CCDC152: variants seen among roughly 807,000 people sequenced by gnomAD.
The protein encoded by CCDC152 is coiled-coil domain-containing protein 152.
In CCDC152, 37 loss-of-function variants were observed where a neutral mutation model predicts 38.1. The ratio of observed to expected loss-of-function variants is 0.97; its 90% CI spans 0.75 to 1.28. The LOEUF is 1.28. CCDC152 is among the 50% of genes most tolerant of loss of function. The pLI, the probability that CCDC152 is intolerant of heterozygous loss-of-function variation, is 0.00. For synonymous variants in CCDC152, 83 were observed against 87.1 expected, an observed-to-expected ratio of 0.95 and a Z score of 0.26; for missense variants, 259 against 292.1, an observed-to-expected ratio of 0.89 and a Z score of 0.83.
intron 6 of CCDC152, among the ~76,000 whole-genome samples, chr5:42,795,248 T>C (rs1002565825): frequency 6.6e-6 from 1 of 152,168 alleles, no homozygotes; most frequent in Non-Finnish European, 1.5e-5. Flanking sequence ...GAAGCTGGCA[T>C]AGCTATACTA....
Position 42,800,791 on chromosome 5 carries a change from T to C in CCDC152, c.*1010T>C, listed in dbSNP as rs777031512. 6.2e-7 allele frequency: 1 copy of C among 1,614,252 alleles called. No individual in the cohort carries two copies. Among genetic ancestry groups the C allele is most frequent in the Non-Finnish European group, 8.5e-7 (1 of 1,180,026 alleles). Reference sequence around the variant, plus strand: ...CAACTGGCACTGGCTTCTGTGGGTATAAGCTGCTGACTTATTTGTCAGGCA... The same window carrying C: ...CAACTGGCACTGGCTTCTGTGGGTACAAGCTGCTGACTTATTTGTCAGGCA... On this transcript the variant is annotated 3_prime_UTR_variant, in exon 9 of 9. Transcript: ENST00000361970.
chr5:42,766,412 G>A (rs1385172022), intron 3 of CCDC152, among the ~76,000 whole-genome samples: 1 of 152,084 alleles, frequency 6.6e-6, no homozygotes, highest in Admixed American at 6.6e-5. Context: ...TCCCACTGCT[G>A]GGTATATACA....
intron 6 of CCDC152, among the ~76,000 whole-genome samples, chr5:42,788,787 C>T (rs1486711491): frequency 6.6e-6 from 1 of 152,030 alleles, no homozygotes; most frequent in Non-Finnish European, 1.5e-5. Context: ...ATAACTTTTG[C>T]CTTTATTGTT....
At chr5:42,764,001 AGTGAAAGTACAGAGAGTTTCC>A (rs909567242) in intron 3 of CCDC152, among the ~76,000 whole-genome samples, 6 of 152,224 alleles carry the variant, frequency 3.9e-5, no homozygotes, top group African/African-American at 1.2e-4. Flanking sequence ...AAAAAAATTG[AGTGAAAGTACAGAGAGTTTCC>A]GTATACTCTC....
chr5:42,770,841 C>T (rs1759687914), intron 4 of CCDC152, among the ~76,000 whole-genome samples: 3 of 152,046 alleles, frequency 2.0e-5, no homozygotes, highest in African/African-American at 4.8e-5. Flanking sequence ...CTTTGGTGTA[C>T]AAGATTCTCA....
chr5:42,799,598 G>C lies in CCDC152; in HGVS notation c.643-61G>C, dbSNP rs904776089. 4.5e-6 allele frequency: 6 copies of C among 1,322,068 alleles called. No homozygotes were observed. The Admixed American group carries it at 1.5e-4, about 33-fold the overall frequency. 81.9% of individuals were successfully genotyped at this position (1,322,068 alleles called of 1,614,324 possible). A position where few individuals can be genotyped will look rare whatever the true frequency, so the allele number is the denominator to read the frequency against. On this transcript the variant is annotated intron_variant, in intron 8 of 8. Transcript: ENST00000361970. Reference sequence around the variant, plus strand: ...CAGAAGTGCATTTCTTTGTTATTTTGTTGTTCCTTGTACTAAATTTTATTT... The same window carrying C: ...CAGAAGTGCATTTCTTTGTTATTTTCTTGTTCCTTGTACTAAATTTTATTT...
intron 6 of CCDC152, among the ~76,000 whole-genome samples, chr5:42,786,349 A>G (rs928023591): frequency 8.6e-5 from 13 of 152,010 alleles, no homozygotes; most frequent in Non-Finnish European, 4.4e-5. Flanking sequence ...TCCTGGTTCA[A>G]TCTCTGGAGG....
intron 3 of CCDC152, among the ~76,000 whole-genome samples, chr5:42,768,772 T>C (rs932114417): frequency 9.2e-5 from 14 of 152,200 alleles, no homozygotes; most frequent in East Asian, 7.7e-4. Flanking sequence ...TCCCTTTCCT[T>C]AGGATGTTCT....
chr5:42,760,745 C>A (rs182300244), intron 2 of CCDC152, among the ~76,000 whole-genome samples: 2 of 152,012 alleles, frequency 1.3e-5, no homozygotes, highest in African/African-American at 4.8e-5. Flanking sequence ...TATGATCATG[C>A]GTATTTTGAA....
Position 42,799,723 on chromosome 5 carries a change from A to T in CCDC152, c.707A>T (p.Asp236Val). Residue 236 changes from aspartate (D) to valine (V), a missense_variant, in exon 9 of 9, where the codon GAT becomes GTT. Coordinates refer to ENST00000361970, the MANE Select transcript of CCDC152 (RefSeq NM_001134848.2). ...GCAATTCTTCGTAATACCATTCGCG[A>T]TTTAGAGCAACGCCTTTCTGTTGGC... ...EIAILRNTIR[D>V]LEQRLSVGKD... The T allele has an allele frequency of 1.3e-6, 2 of 1,551,354 alleles. No individual in the cohort carries two copies. Among genetic ancestry groups the T allele is most frequent in the Non-Finnish European group, 1.7e-6 (2 of 1,146,802 alleles).
intron 4 of CCDC152, among the ~76,000 whole-genome samples, chr5:42,778,701 C>G (rs564420573): frequency 6.6e-5 from 10 of 152,144 alleles, no homozygotes; most frequent in African/African-American, 2.2e-4. Flanking sequence ...TCCATACTGC[C>G]GCTGACGTAA....
At chr5:42,777,480 G>A (rs6451644) in intron 4 of CCDC152, among the ~76,000 whole-genome samples, 128,241 of 148,992 alleles carry the variant, frequency 0.86, 55,365 homozygotes, top group East Asian at 0.99. Flanking sequence ...AAAAAAAAAA[G>A]AAGAAGAAGA....
At chr5:42,798,205 GTACTTTGACAAAATA>G (rs973679318) in intron 7 of CCDC152, among the ~76,000 whole-genome samples, 12 of 152,128 alleles carry the variant, frequency 7.9e-5, no homozygotes, top group Non-Finnish European at 1.6e-4. Flanking sequence ...AATCTCAAAT[GTACTTTGACAAAATA>G]TTTGTCCTTT....
At chr5:42,766,676 A>G (rs1166178849) in intron 3 of CCDC152, among the ~76,000 whole-genome samples, 1 of 143,710 alleles carries the variant, frequency 7.0e-6, no homozygotes, top group Non-Finnish European at 1.6e-5. Flanking sequence ...GACAAACATC[A>G]TATGTTCTCA....
chr5:42,775,809 T>C (rs1206461814), intron 4 of CCDC152, among the ~76,000 whole-genome samples: 1 of 151,894 alleles, frequency 6.6e-6, no homozygotes, highest in Non-Finnish European at 1.5e-5. Context: ...GAATTATGAA[T>C]ACTTTAGTAT....
intron 6 of CCDC152, among the ~76,000 whole-genome samples, chr5:42,785,946 A>C (rs1369667467): frequency 6.6e-6 from 1 of 152,134 alleles, no homozygotes; most frequent in Non-Finnish European, 1.5e-5. Flanking sequence ...GCATATATCG[A>C]ACCATCCTTG....
chr5:42,796,797 C>A (rs1760081750), intron 6 of CCDC152, 32 bp from the exon 7 acceptor site: 3 of 1,306,410 alleles, frequency 2.3e-6, no homozygotes, highest in Non-Finnish European at 2.0e-6. Context: ...AAATTTTTAA[C>A]AAATGAATTT....
chr5:42,773,110 G>A (rs1441827713), intron 4 of CCDC152, among the ~76,000 whole-genome samples: 1 of 152,150 alleles, frequency 6.6e-6, no homozygotes, highest in Non-Finnish European at 1.5e-5. Context: ...CATGCCAGCA[G>A]GATGATTTTG....
At chr5:42,796,228 A>G (rs1760073792) in intron 6 of CCDC152, among the ~76,000 whole-genome samples, 1 of 151,596 alleles carries the variant, frequency 6.6e-6, no homozygotes, top group Non-Finnish European at 1.5e-5. Context: ...GTACCCTAAA[A>G]CTTAAAGTAT....
Sources: allele counts gnomAD v4.1 joint callset (sites outside exome capture counted in the v4.1 genomes callset), GRCh38; gene constraint gnomAD v4.1.1; transcripts MANE v1.5; gene names NCBI Gene and HGNC (gene_info 2026-07-23, HGNC 2026-07-21).